Variants in CACNA2D3 observed in about 807,000 individuals in gnomAD.
CACNA2D3 encodes voltage-dependent calcium channel subunit alpha-2/delta-3.
In CACNA2D3, 60 loss-of-function variants were observed where a neutral mutation model predicts 160.6. The ratio of observed to expected loss-of-function variants is 0.37; its 90% confidence interval spans 0.30 to 0.46. CACNA2D3 has a LOEUF of 0.46. Ranked by LOEUF, CACNA2D3 falls within the 20% of genes least tolerant of loss-of-function variation. The pLI, the probability that CACNA2D3 is intolerant of heterozygous loss-of-function variation, is 1.00. For synonymous variants in CACNA2D3, 558 were observed against 492.9 expected, an observed-to-expected ratio of 1.13 and a Z score of -1.75; for missense variants, 1,205 against 1,365.0, an observed-to-expected ratio of 0.88 and a Z score of 1.85.
intron 2 of CACNA2D3, among the ~76,000 whole-genome samples, chr3:54,265,561 G>GTA (rs759693934): frequency 8.1e-5 from 6 of 74,372 alleles, no homozygotes; most frequent in Non-Finnish European, 1.3e-4. Flanking sequence ...TGTGTGTATA[G>GTA]TGTGTATATA....
chr3:54,605,619 A>C (rs1292008665), intron 9 of CACNA2D3, among the ~76,000 whole-genome samples: 1 of 152,112 alleles, frequency 6.6e-6, no homozygotes, highest in African/African-American at 2.4e-5. Context: ...TACCTTAAAT[A>C]TCTTTAAATT....
intron 10 of CACNA2D3, chr3:54,632,041 A>G (rs1210790468): frequency 2.6e-5 from 4 of 152,204 alleles, no homozygotes; most frequent in East Asian, 1.9e-4. Flanking sequence ...GGCCCTTGTC[A>G]TTGTTATTAT....
At chr3:54,929,629 T>C (rs922340379) in intron 27 of CACNA2D3, among the ~76,000 whole-genome samples, 2 of 151,884 alleles carry the variant, frequency 1.3e-5, no homozygotes, top group East Asian at 1.9e-4. Context: ...TGTCCTTCTC[T>C]CCAACATTTT....
chr3:54,811,465 C>CTTTTTTTTTTT (rs71096451), intron 13 of CACNA2D3, among the ~76,000 whole-genome samples: 14 of 111,614 alleles, frequency 1.3e-4, no homozygotes, highest in East Asian at 3.0e-4. Context: ...TCCCTCAGTT[C>CTTTTTTTTTTT]TTTTTTTTTT....
intron 2 of CACNA2D3, among the ~76,000 whole-genome samples, chr3:54,184,568 G>GC (rs1700845564): frequency 6.6e-6 from 1 of 152,210 alleles, no homozygotes; most frequent in Non-Finnish European, 1.5e-5. Flanking sequence ...CCTTAGTGCA[G>GC]CCCCTACCTC....
intron 11 of CACNA2D3, among the ~76,000 whole-genome samples, chr3:54,745,916 T>C (rs1383565860): frequency 6.6e-6 from 1 of 152,246 alleles, no homozygotes; most frequent in Admixed American, 6.5e-5. Flanking sequence ...ACAGTCCATT[T>C]TTCATAATCA....
chr3:54,506,403 G>A (rs1470428504), intron 5 of CACNA2D3, among the ~76,000 whole-genome samples: 1 of 152,128 alleles, frequency 6.6e-6, no homozygotes, highest in Admixed American at 6.5e-5. Context: ...TTTGATACTT[G>A]CCTAGGAGCT....
At chr3:55,013,282 C>G (rs1167306497) in intron 34 of CACNA2D3, among the ~76,000 whole-genome samples, 1 of 152,204 alleles carries the variant, frequency 6.6e-6, no homozygotes, top group Non-Finnish European at 1.5e-5. Context: ...GCAGTGGACT[C>G]AGACCTAAGC....
At chr3:54,717,563 G>C (rs925523042) in intron 11 of CACNA2D3, among the ~76,000 whole-genome samples, 1 of 146,356 alleles carries the variant, frequency 6.8e-6, no homozygotes, top group African/African-American at 2.5e-5. Flanking sequence ...GTGTGTGTGT[G>C]TGTGTGGTGT....
intron 11 of CACNA2D3, among the ~76,000 whole-genome samples, chr3:54,651,844 C>A (rs1247587346): frequency 2.0e-5 from 3 of 152,144 alleles, no homozygotes; most frequent in Non-Finnish European, 4.4e-5. Flanking sequence ...TTCTGTGGGG[C>A]ATGTGCCATT....
chr3:54,993,815 A>G (rs941184357), intron 31 of CACNA2D3, among the ~76,000 whole-genome samples: 1 of 139,964 alleles, frequency 7.1e-6, no homozygotes, highest in Non-Finnish European at 1.5e-5. Context: ...AGTAGTACCT[A>G]TCTTTCATGG....
chr3:54,936,676 C>T (rs1204171390), intron 27 of CACNA2D3, among the ~76,000 whole-genome samples: 1 of 152,120 alleles, frequency 6.6e-6, no homozygotes, highest in Non-Finnish European at 1.5e-5. Flanking sequence ...TCCCTGTGGA[C>T]CTTGTCTCCA....
rs780456770 is a variant in CACNA2D3, at chr3:55,009,440, A to G, written c.2872A>G (p.Lys958Glu). 9.9e-6 allele frequency: 16 copies of G among 1,613,732 alleles called. 1 individual carries two copies. Among genetic ancestry groups the G allele is most frequent in the South Asian group, 9.9e-5 (9 of 91,076 alleles). Residue 958 changes from lysine to glutamate, a missense_variant, in exon 34 of 38, where the codon AAA becomes GAA. Lys to Glu is a moderately conservative substitution (Grantham distance 56, BLOSUM62 1). Around this residue, in one of 3 missense-constraint regions of CACNA2D3, gnomAD observed 911 missense variants for 1,002.2 expected, o/e 0.91. Coordinates refer to ENST00000474759, the MANE Select transcript of CACNA2D3 (RefSeq NM_018398.3). Reference protein sequence around the residue: ...CSWWHSDMTAKAQKLKQTLEP... With the variant: ...CSWWHSDMTAEAQKLKQTLEP... ...TTGGTGGCACTCCGATATGACAGCT[A>G]AAGGTGAGCAGCAACTGGTTTCTGT... is the stretch of plus-strand genomic sequence containing the variant.
chr3:54,807,409 C>A (rs1253405327), intron 13 of CACNA2D3, among the ~76,000 whole-genome samples: 1 of 152,218 alleles, frequency 6.6e-6, no homozygotes, highest in Non-Finnish European at 1.5e-5. Context: ...TGAGCAGACA[C>A]TTCTCAAAAG....
At chr3:54,487,202 A>G (rs1276984738) in intron 4 of CACNA2D3, among the ~76,000 whole-genome samples, 1 of 152,088 alleles carries the variant, frequency 6.6e-6, no homozygotes, top group African/African-American at 2.4e-5. Context: ...CCCCATCTTT[A>G]CAAAAAATGA....
intron 9 of CACNA2D3, among the ~76,000 whole-genome samples, chr3:54,605,442 G>A (rs34474062): frequency 6.6e-6 from 1 of 151,794 alleles, no homozygotes; most frequent in African/African-American, 2.4e-5. Flanking sequence ...TTATTCACCA[G>A]CATTTCAGAC....
rs77726248 is a variant in CACNA2D3 at position 54,669,560 on chromosome 3, G to A, written c.1167+27319G>A. Among the ~76,000 whole-genome samples the A allele has an allele frequency of 5.6e-3, 858 of 152,228 alleles. 10 individuals carry two copies. The highest frequency in any genetic ancestry group is 0.019 in the African/African-American group (809 of 41,546). The stretch of plus-strand genomic sequence containing the variant: ...GCAAACTGTAGGAAGTATAAAAGTG[G>A]ACTGGTCTGTTGTTAATTTTTTGTT... On this transcript the variant is annotated intron_variant, in intron 11 of 37. Transcript: ENST00000474759.
At chr3:54,676,900 A>G (rs1700253690) in intron 11 of CACNA2D3, among the ~76,000 whole-genome samples, 1 of 152,124 alleles carries the variant, frequency 6.6e-6, no homozygotes, top group Non-Finnish European at 1.5e-5. Context: ...GGTAAAATAA[A>G]TTTTTTGGCA....
At chr3:54,180,693 T>G (rs144574898) in intron 2 of CACNA2D3, among the ~76,000 whole-genome samples, 39 of 152,348 alleles carry the variant, frequency 2.6e-4, no homozygotes, top group East Asian at 1.2e-3. Context: ...TATTGCTGCT[T>G]CTTCTGAGTC....
Sources: allele counts gnomAD v4.1 joint callset (sites outside exome capture counted in the v4.1 genomes callset), GRCh38; gene constraint gnomAD v4.1.1; regional missense constraint gnomAD v4.1.1; transcripts MANE v1.5; gene names NCBI Gene and HGNC (gene_info 2026-07-23, HGNC 2026-07-21).